Variants in PREPL observed in about 807,000 individuals in gnomAD.
PREPL encodes the protein prolyl endopeptidase-like.
PREPL carries 77 observed loss-of-function variants against 70.6 expected under a neutral mutation model. The ratio of observed to expected loss-of-function variants is 1.09; its 90% CI spans 0.91 to 1.32. PREPL has a LOEUF of 1.32. PREPL is among the 40% of genes most tolerant of loss of function. The probability of loss-of-function intolerance (pLI) is 0.00; values close to 1 mark genes in which losing one functional copy is unlikely to be tolerated. For synonymous variants in PREPL, 315 were observed against 264.8 expected, an observed-to-expected ratio of 1.19 and a Z score of -1.84; for missense variants, 1,002 against 778.2, an observed-to-expected ratio of 1.29 and a Z score of -3.42.
At chr2:44,361,078 C>T (rs375684068) in intron 1 of PREPL, among the ~76,000 whole-genome samples, 9 of 152,214 alleles carry the variant, frequency 5.9e-5, no homozygotes, top group South Asian at 4.1e-4. Context: ...AAAGGTCCTA[C>T]ATCACCACGT....
intron 2 of PREPL, among the ~76,000 whole-genome samples, chr2:44,345,293 T>C (rs1319449441): frequency 2.0e-5 from 3 of 152,206 alleles, no homozygotes; most frequent in Admixed American, 6.5e-5. Context: ...CACTCTACTA[T>C]GTATGTGATT....
intron 1 of PREPL, among the ~76,000 whole-genome samples, chr2:44,356,042 G>A (rs182878958): frequency 6.6e-6 from 1 of 152,154 alleles, no homozygotes; most frequent in Non-Finnish European, 1.5e-5. Flanking sequence ...TGGCTGGCTT[G>A]TAAGTATAAT....
chr2:44,351,922 G>A (rs1185165081), intron 1 of PREPL, among the ~76,000 whole-genome samples: 2 of 152,132 alleles, frequency 1.3e-5, no homozygotes, highest in Non-Finnish European at 2.9e-5. Flanking sequence ...TCTTACAATG[G>A]TCTACAAAGT....
chr2:44,320,260 C>T lies in PREPL; in HGVS notation c.*1096G>A, dbSNP rs1332113432. The T allele has an allele frequency of 6.2e-7, 1 of 1,613,878 alleles. No homozygotes were observed. The highest frequency in any genetic ancestry group is 8.5e-7 in the Non-Finnish European group (1 of 1,179,916). ...TATCAAGATTTAAGTCTACTTCATG[C>T]CAATGAGCTACTCCTCAACAGGGGC... On this transcript the variant is annotated 3_prime_UTR_variant, in exon 14 of 14. Coordinates refer to ENST00000409411, the MANE Select transcript of PREPL (RefSeq NM_001171613.2).
At position 44,338,464 on chromosome 2, in the gene PREPL, T is replaced by C. The variant is rs748230327; in HGVS notation, c.775A>G (p.Lys259Glu). 8 of 1,613,086 alleles carry C rather than the reference T, an allele frequency of 5.0e-6. No individual in the cohort carries two copies. The highest frequency in any genetic ancestry group is 1.1e-5 in the South Asian group (1 of 90,880). ...DLFFTMKRNTKVIDLDMFKDH... is the reference protein window; with the variant it reads ...DLFFTMKRNTEVIDLDMFKDH... ...TTAAACATGTCCAAGTCTATCACTT[T>C]TGTATTTCTCTTCATTGTAAAAAAT... Residue 259 changes from lysine to glutamate, a missense_variant, in exon 7 of 14, where the codon AAA (lysine) becomes GAA (glutamate). Physicochemically the swap from Lys to Glu is moderately conservative, Grantham distance 56. Coordinates refer to ENST00000409411, the MANE Select transcript of PREPL (RefSeq NM_001171613.2).
rs1374457044 is a variant in PREPL at position 44,342,489 on chromosome 2, C to T, written c.413G>A (p.Cys138Tyr). Residue 138 changes from cysteine (C) to tyrosine (Y), a missense_variant, in exon 5 of 14, where the codon TGT (cysteine) becomes TAT (tyrosine). Cys to Tyr is a radical substitution (Grantham distance 194). Transcript: ENST00000409411. ...LFYTFQRNLR[C>Y]HDVYRATFGD... ...AAAAGTGGCTCGATATACGTCATGA[C>T]AGCGAAGGTTCCTCTGGAAGGTGTA... The T allele has an allele frequency of 6.8e-6, 11 of 1,612,578 alleles. No homozygotes were observed. The highest frequency in any genetic ancestry group is 1.3e-5 in the African/African-American group (1 of 74,718).
chr2:44,331,024 C>A (rs1674031844), intron 8 of PREPL, among the ~76,000 whole-genome samples: 1 of 152,146 alleles, frequency 6.6e-6, no homozygotes, highest in African/African-American at 2.4e-5. Flanking sequence ...CTCACTGCAG[C>A]CTCAACCTCC....
At position 44,319,782 on chromosome 2, in the gene PREPL, G is replaced by A; in HGVS notation, c.*1574C>T. 1 of 176,314 alleles carries A rather than the reference G, an allele frequency of 5.7e-6. No homozygotes were observed. Among genetic ancestry groups the A allele is most frequent in the South Asian group, 1.3e-4 (1 of 7,588 alleles). 10.9% of individuals were successfully genotyped at this position (176,314 alleles called of 1,614,324 possible). A position where few individuals can be genotyped will look rare whatever the true frequency, so the allele number is the denominator to read the frequency against. ...CAACCTACACATTAGTCTACAAAGG[G>A]GAACAAACCCAAATTCCTCAGAAGT... On this transcript the variant is annotated 3_prime_UTR_variant, in exon 14 of 14. Transcript: ENST00000409411.
chr2:44,339,322 A>G lies in PREPL; in HGVS notation c.527T>C (p.Leu176Pro). Residue 176 changes from leucine (L) to proline (P), a missense_variant, in exon 6 of 14, where the codon CTC becomes CCC. Coordinates refer to ENST00000409411, the MANE Select transcript of PREPL (RefSeq NM_001171613.2). ...FLYLTKDSRF[L>P]TINIMNKTTS... ...AGTCTTGTTCATAATATTTATGGTG[A>G]GGAAACGACTGTCTTTTGTAAGATA... 1 of 1,614,052 alleles carries G rather than the reference A, an allele frequency of 6.2e-7. No individual in the cohort carries two copies. The highest frequency in any genetic ancestry group is 8.5e-7 in the Non-Finnish European group (1 of 1,179,980).
intron 11 of PREPL, 152 bp downstream of exon 11, chr2:44,323,110 T>G: frequency 1.2e-6 from 1 of 834,074 alleles, no homozygotes; most frequent in Non-Finnish European, 1.8e-6. Flanking sequence ...GTATTAAACA[T>G]GGAGCATGAG....
chr2:44,351,427 C>T (rs912415986), intron 1 of PREPL, among the ~76,000 whole-genome samples: 1 of 151,680 alleles, frequency 6.6e-6, no homozygotes, highest in Non-Finnish European at 1.5e-5. Flanking sequence ...ATCCAACTGA[C>T]TACCCAACAT....
intron 1 of PREPL, among the ~76,000 whole-genome samples, chr2:44,351,969 T>C (rs1455093781): frequency 1.3e-5 from 2 of 152,230 alleles, no homozygotes; most frequent in Non-Finnish European, 2.9e-5. Context: ...GCTGACCTAA[T>C]CTACTGCTAC....
Position 44,322,651 on chromosome 2 carries a change from C to T in PREPL, c.1753+80G>A, listed in dbSNP as rs1456698504. On this transcript the variant is annotated intron_variant, in intron 12 of 13. Transcript: ENST00000409411. ...CCTGGGCAGATGATTTGGCTACAGC[C>T]TGAAATATATTCCTCTGAGCAGTGT... 1.0e-5 allele frequency: 15 copies of T among 1,502,858 alleles called. No homozygotes were observed. The East Asian group carries it at 3.4e-4, about 34-fold the overall frequency. 93.1% of individuals were successfully genotyped at this position (1,502,858 alleles called of 1,614,324 possible).
intron 4 of PREPL, 66 bp from the exon 5 acceptor site, chr2:44,342,618 AC>A: frequency 4.9e-5 from 53 of 1,085,940 alleles, no homozygotes; most frequent in Middle Eastern, 2.7e-4. Context: ...AAAAAAAAGC[AC>A]AGCACATTCT....
chr2:44,329,963 C>G (rs1022558845), intron 8 of PREPL, among the ~76,000 whole-genome samples: 2 of 152,158 alleles, frequency 1.3e-5, no homozygotes, highest in African/African-American at 2.4e-5. Context: ...CCAAGTCACT[C>G]TTCATATTTT....
intron 1 of PREPL, among the ~76,000 whole-genome samples, chr2:44,347,927 A>C (rs1022965104): frequency 1.3e-5 from 2 of 152,224 alleles, no homozygotes; most frequent in African/African-American, 4.8e-5. Context: ...AATGGAAAAT[A>C]ATCATTTTCA....
chr2:44,322,883 T>TA, intron 11 of PREPL, 29 bp from the exon 12 acceptor site: 1 of 1,608,294 alleles, frequency 6.2e-7, no homozygotes, highest in Non-Finnish European at 8.5e-7. Context: ...ACGAAGAGTT[T>TA]ACATTATTTC....
At position 44,357,962 on chromosome 2, in the gene PREPL, G is replaced by C. The variant is rs371645787; in HGVS notation, c.-49+3418C>G. 2.0e-5 allele frequency among the ~76,000 whole-genome samples: 3 copies of C among 152,196 alleles called. No homozygotes were observed. The South Asian group carries it at 6.2e-4, about 32-fold the overall frequency. ...CTACAAAAAGGAAAAGAATTTCAAA[G>C]ACTAAAACATAAACAGTAAAAGTCT... On this transcript the variant is annotated intron_variant, in intron 1 of 13. Transcript: ENST00000409411.
At position 44,326,923 on chromosome 2, in the gene PREPL, C is replaced by T. The variant is rs1673559826; in HGVS notation, c.1268G>A (p.Gly423Asp). 6.2e-7 allele frequency: 1 copy of T among 1,613,840 alleles called. No individual in the cohort carries two copies. The highest frequency in any genetic ancestry group is 8.5e-7 in the Non-Finnish European group (1 of 1,179,932). ...WILAYCHVRG[G>D]GELGLQWHAD... ...GTGCCACTGGAGGCCTAACTCACCA[C>T]CACCTCTGAAATTGAAGGGCAAAAA... The change falls in exon 10 of 14, where the codon GGT becomes GAT. Residue 423 changes from glycine (G) to aspartate (D), a missense_variant. By Grantham distance (94) the Gly-to-Asp change is moderately conservative (BLOSUM62 -1). Transcript: ENST00000409411.
Sources: allele counts gnomAD v4.1 joint callset (sites outside exome capture counted in the v4.1 genomes callset), GRCh38; gene constraint gnomAD v4.1.1; transcripts MANE v1.5; gene names NCBI Gene and HGNC (gene_info 2026-07-23, HGNC 2026-07-21).